PCDHGB5: variants seen among roughly 807,000 people sequenced by gnomAD.
The protein encoded by PCDHGB5 is protocadherin gamma subfamily B, 5, also known as protocadherin gamma-B5.
Under a neutral mutation model 62.9 loss-of-function variants are expected in PCDHGB5, and 48 were observed. The observed-to-expected ratio is 0.76, with a 90% CI of 0.61 to 0.97. The LOEUF is 0.97. Among genes scored for constraint, PCDHGB5 ranks in the 50% least tolerant of loss-of-function variants. PCDHGB5 has a pLI of 0.00. For synonymous variants in PCDHGB5, 474 were observed against 511.2 expected, an observed-to-expected ratio of 0.93 and a Z score of 0.98; for missense variants, 1,118 against 1,198.6, an observed-to-expected ratio of 0.93 and a Z score of 0.99.
intron 1 of PCDHGB5, among the ~76,000 whole-genome samples, chr5:141,438,636 ACACACAC>A: frequency 3.9e-5 from 1 of 25,700 alleles, no homozygotes; most frequent in African/African-American, 1.5e-4. Flanking sequence ...ATATATATAT[ACACACAC>A]ACACACACAT....
Position 141,409,574 on chromosome 5 carries a change from G to C in PCDHGB5, c.2397+9050G>C, listed in dbSNP as rs752388742. ...CCCAGTTTTCGACCAGACGTCCTACGTGGTCCACGTGGCCGAGAACAACCC... is the reference window on the plus strand; with the variant it reads ...CCCAGTTTTCGACCAGACGTCCTACCTGGTCCACGTGGCCGAGAACAACCC... On this transcript the variant is annotated intron_variant, in intron 1 of 3. Coordinates refer to ENST00000617380, the MANE Select transcript of PCDHGB5 (RefSeq NM_018925.3). 32 of 1,613,902 alleles carry C rather than the reference G, an allele frequency of 2.0e-5. No individual in the cohort carries two copies. In the East Asian group the frequency reaches 6.9e-4, roughly 35 times the overall value.
Position 141,489,213 on chromosome 5 carries a change from T to G in PCDHGB5, c.2398-5594T>G, listed in dbSNP as rs372898969. 11 of 1,473,392 alleles carry G rather than the reference T, an allele frequency of 7.5e-6. No homozygotes were observed. The highest frequency in any genetic ancestry group is 6.4e-6 in the Non-Finnish European group (7 of 1,091,332). 91.3% of individuals were successfully genotyped at this position (1,473,392 alleles called of 1,614,324 possible). On this transcript the variant is annotated intron_variant, in intron 1 of 3. Coordinates refer to ENST00000617380, the MANE Select transcript of PCDHGB5 (RefSeq NM_018925.3). This position sits in a 1 kb window ranked among gnomAD's most constrained non-coding sequence, Gnocchi z 4.5. Reference sequence around the variant, plus strand: ...ACCTTGGAGACAGGACAGCACAGACTTACTCTCCACAAAGGGACTTCTGGG... The same window carrying G: ...ACCTTGGAGACAGGACAGCACAGACGTACTCTCCACAAAGGGACTTCTGGG...
chr5:141,403,863 C>CA (rs1449407003), intron 1 of PCDHGB5: 1 of 1,613,374 alleles, frequency 6.2e-7, no homozygotes, highest in Non-Finnish European at 8.5e-7. Flanking sequence ...ATATCAACAG[C>CA]AAAAAGTCTA....
chr5:141,480,578 A>G (rs1343189182), intron 1 of PCDHGB5, among the ~76,000 whole-genome samples: 1 of 133,254 alleles, frequency 7.5e-6, no homozygotes, highest in Admixed American at 7.4e-5. Context: ...GCAAGAAATA[A>G]CTGCCGCTCT....
intron 1 of PCDHGB5, chr5:141,414,628 A>T (rs1471507988): frequency 4.3e-6 from 7 of 1,613,900 alleles, no homozygotes; most frequent in Non-Finnish European, 5.9e-6. Flanking sequence ...GGACCCGGAC[A>T]GCAAAGAGAA....
At chr5:141,478,574 C>T (rs2099465133) in intron 1 of PCDHGB5, 1 of 1,586,288 alleles carries the variant, frequency 6.3e-7, no homozygotes, top group Non-Finnish European at 8.6e-7. Flanking sequence ...ATGCTTGACC[C>T]TGTTAGTGCT....
At position 141,489,180 on chromosome 5, in the gene PCDHGB5, C is replaced by G. The variant is rs942218118; in HGVS notation, c.2398-5627C>G. On this transcript the variant is annotated intron_variant, in intron 1 of 3. Transcript: ENST00000617380. This position sits in a 1 kb window ranked among gnomAD's most constrained non-coding sequence, Gnocchi z 4.5. ...GACTTCAGCTGCTGCATTCCAAGCC[C>G]TGGGTCTACCTTGGAGACAGGACAG... The G allele has an allele frequency of 1.8e-5, 23 of 1,259,630 alleles. No homozygotes were observed. In the South Asian group the frequency reaches 3.0e-4, roughly 17 times the overall value. The allele number at this position is 1,259,630 out of a possible 1,614,324, so 78.0% of individuals were successfully genotyped here.
chr5:141,409,480 C>A, intron 1 of PCDHGB5: 1 of 1,614,002 alleles, frequency 6.2e-7, no homozygotes, highest in Non-Finnish European at 8.5e-7. Flanking sequence ...TAGCCACTGA[C>A]AGGGGCAAGC....
chr5:141,472,068 G>C (rs1050927364), intron 1 of PCDHGB5, among the ~76,000 whole-genome samples: 7 of 151,974 alleles, frequency 4.6e-5, no homozygotes, highest in Non-Finnish European at 8.8e-5. Context: ...CATGTCTGTG[G>C]TTATATCAAT....
intron 1 of PCDHGB5, among the ~76,000 whole-genome samples, chr5:141,470,451 T>C (rs2099230860): frequency 6.6e-6 from 1 of 152,210 alleles, no homozygotes; most frequent in Non-Finnish European, 1.5e-5. Context: ...AATAGCATCT[T>C]GAATAGGATT....
intron 1 of PCDHGB5, among the ~76,000 whole-genome samples, chr5:141,430,411 C>T (rs879587751): frequency 3.3e-5 from 5 of 150,942 alleles, no homozygotes; most frequent in African/African-American, 1.2e-4. Flanking sequence ...ACTAAAGTTT[C>T]TATTAAAGCG....
intron 1 of PCDHGB5, chr5:141,404,067 A>G (rs540954192): frequency 3.7e-6 from 6 of 1,613,894 alleles, no homozygotes; most frequent in South Asian, 2.2e-5. Context: ...TTCAATGCTC[A>G]TGACCGAGAC....
intron 1 of PCDHGB5, chr5:141,409,623 T>G: frequency 6.2e-7 from 1 of 1,613,854 alleles, no homozygotes; most frequent in Non-Finnish European, 8.5e-7. Context: ...ATTGCGCAAG[T>G]GAGCGCCTCT....
intron 1 of PCDHGB5, among the ~76,000 whole-genome samples, chr5:141,460,983 G>GTGTGTGTA (rs1554142949): frequency 2.2e-5 from 3 of 137,844 alleles, no homozygotes; most frequent in African/African-American, 7.7e-5. Flanking sequence ...GTGTGTGTGT[G>GTGTGTGTA]TATATATATA....
At chr5:141,474,002 G>A (rs1020912365) in intron 1 of PCDHGB5, among the ~76,000 whole-genome samples, 5 of 152,078 alleles carry the variant, frequency 3.3e-5, no homozygotes, top group Non-Finnish European at 5.9e-5. Context: ...CCAAGGAGCT[G>A]GAAGTTACAG....
At chr5:141,500,360 T>C (rs1224064939) in intron 2 of PCDHGB5, among the ~76,000 whole-genome samples, 1 of 151,664 alleles carries the variant, frequency 6.6e-6, no homozygotes, top group Non-Finnish European at 1.5e-5. Context: ...AGGCGCCCAC[T>C]ACCACGCCCG....
chr5:141,431,416 C>G lies in PCDHGB5; in HGVS notation c.2397+30892C>G, dbSNP rs778722151. 3 of 1,613,596 alleles carry G rather than the reference C, an allele frequency of 1.9e-6. No homozygotes were observed. The highest frequency in any genetic ancestry group is 2.7e-5 in the African/African-American group (2 of 74,954). On this transcript the variant is annotated intron_variant, in intron 1 of 3. Coordinates refer to ENST00000617380, the MANE Select transcript of PCDHGB5 (RefSeq NM_018925.3). The surrounding 1 kb of genome is among the most constrained non-coding windows in gnomAD (Gnocchi z 4.8). ...TCCTTACGGCCTCCGACGGGGGCGA[C>G]CCGGTGCGCACAGGCACCGCGCGCA...
At chr5:141,472,620 A>G (rs2099290656) in intron 1 of PCDHGB5, among the ~76,000 whole-genome samples, 1 of 152,136 alleles carries the variant, frequency 6.6e-6, no homozygotes, top group Admixed American at 6.5e-5. Context: ...AGAAGAAAAA[A>G]GATAAAGACT....
At chr5:141,419,449 C>T (rs780917543) in intron 1 of PCDHGB5, 5 of 1,612,958 alleles carry the variant, frequency 3.1e-6, no homozygotes, top group Non-Finnish European at 4.2e-6. Context: ...CCTTCGAGCT[C>T]ACGCTGCAGG....
Sources: allele counts gnomAD v4.1 joint callset (sites outside exome capture counted in the v4.1 genomes callset), GRCh38; gene constraint gnomAD v4.1.1; non-coding constraint Gnocchi (gnomAD v3.1); transcripts MANE v1.5; gene names NCBI Gene and HGNC (gene_info 2026-07-23, HGNC 2026-07-21).